The following PTPRT variants were observed in gnomAD, a reference collection of about 807,000 sequenced individuals.
PTPRT encodes the protein receptor-type tyrosine-protein phosphatase T.
Under a neutral mutation model 176.8 loss-of-function variants are expected in PTPRT, and 56 were observed. That is an observed-to-expected ratio of 0.32 (90% CI 0.26 to 0.40). The LOEUF is 0.40. PTPRT is among the 10% of genes least tolerant of loss of function. The pLI is 1.00. For missense variants in PTPRT, 1,540 were observed against 1,908.2 expected (o/e 0.81, Z 3.60); for synonymous variants, 783 against 739.0 (o/e 1.06, Z -0.96).
intron 6 of PTPRT, among the ~76,000 whole-genome samples, chr20:42,753,972 C>T (rs111750644): frequency 1.2e-3 from 176 of 152,228 alleles, no homozygotes; most frequent in African/African-American, 4.1e-3. Flanking sequence ...CAACTTTGCC[C>T]CATGTACATG....
chr20:42,380,733 G>A (rs1157459437), intron 9 of PTPRT, among the ~76,000 whole-genome samples: 1 of 152,216 alleles, frequency 6.6e-6, no homozygotes, highest in Admixed American at 6.5e-5. Flanking sequence ...CCCGACAGTA[G>A]GGTGTGTTTC....
chr20:42,099,408 C>T (rs1221845883), intron 26 of PTPRT, among the ~76,000 whole-genome samples: 2 of 152,108 alleles, frequency 1.3e-5, no homozygotes, highest in African/African-American at 4.8e-5. Flanking sequence ...GGCAGAAACA[C>T]CCCTGACTTT....
intron 2 of PTPRT, among the ~76,000 whole-genome samples, chr20:42,836,726 A>T (rs1047581831): frequency 6.6e-6 from 1 of 152,204 alleles, no homozygotes; most frequent in Non-Finnish European, 1.5e-5. Context: ...CAGATTTCTC[A>T]TCCATAAAAC....
chr20:42,787,508 C>T (rs1191243844), intron 3 of PTPRT, among the ~76,000 whole-genome samples: 1 of 152,200 alleles, frequency 6.6e-6, no homozygotes, highest in African/African-American at 2.4e-5. Flanking sequence ...ATACATCACA[C>T]AGCTTTTTCA....
chr20:42,544,658 G>A (rs1412744111), intron 7 of PTPRT, among the ~76,000 whole-genome samples: 1 of 152,148 alleles, frequency 6.6e-6, no homozygotes. Flanking sequence ...CCTCTCTCAG[G>A]AGAGAGCACA....
chr20:42,198,783 G>T (rs1991332382), intron 16 of PTPRT, among the ~76,000 whole-genome samples: 1 of 152,146 alleles, frequency 6.6e-6, no homozygotes, highest in Admixed American at 6.5e-5. Flanking sequence ...TAGATAAGTT[G>T]CTTCTCTGAG....
At chr20:42,153,160 A>G (rs2146466799) in intron 17 of PTPRT, among the ~76,000 whole-genome samples, 1 of 152,350 alleles carries the variant, frequency 6.6e-6, no homozygotes, top group South Asian at 2.1e-4. Context: ...ACATCATTAC[A>G]TGGTGTGGCA....
chr20:43,019,823 G>A (rs767992545), intron 1 of PTPRT, among the ~76,000 whole-genome samples: 24 of 151,776 alleles, frequency 1.6e-4, no homozygotes, highest in African/African-American at 9.7e-5. Flanking sequence ...AGCCAGGAGC[G>A]TTTCTTCTCC....
At chr20:42,557,284 G>T (rs907182635) in intron 7 of PTPRT, among the ~76,000 whole-genome samples, 5 of 152,028 alleles carry the variant, frequency 3.3e-5, no homozygotes, top group African/African-American at 1.2e-4. Flanking sequence ...CAGACAGTCT[G>T]CTCCGTGAAT....
intron 6 of PTPRT, among the ~76,000 whole-genome samples, chr20:42,737,957 G>C (rs939801230): frequency 6.6e-6 from 1 of 152,140 alleles, no homozygotes; most frequent in African/African-American, 2.4e-5. Context: ...TAGCCCGAGG[G>C]GTAGGGAGCT....
intron 1 of PTPRT, among the ~76,000 whole-genome samples, chr20:43,127,234 T>C (rs148756956): frequency 0.015 from 2,279 of 151,930 alleles, 31 homozygotes; most frequent in Non-Finnish European, 0.024. Context: ...CCATCCTGGC[T>C]AACATGGTGA....
intron 1 of PTPRT, among the ~76,000 whole-genome samples, chr20:42,904,963 C>A (rs548765936): frequency 1.1e-3 from 162 of 152,204 alleles, no homozygotes; most frequent in Admixed American, 2.8e-3. Context: ...CCATAAAAAC[C>A]CTAGAAGAAA....
chr20:42,416,072 T>C (rs2059063544), intron 9 of PTPRT, among the ~76,000 whole-genome samples: 1 of 152,168 alleles, frequency 6.6e-6, no homozygotes, highest in Non-Finnish European at 1.5e-5. Flanking sequence ...TATTTGGAAA[T>C]AGGCTCTTTG....
intron 18 of PTPRT, among the ~76,000 whole-genome samples, chr20:42,136,527 G>A (rs1988387918): frequency 6.6e-6 from 1 of 152,082 alleles, no homozygotes; most frequent in Non-Finnish European, 1.5e-5. Flanking sequence ...GATCCATGCT[G>A]GCTGAAATTG....
chr20:42,965,703 G>A (rs1163641144), intron 1 of PTPRT, among the ~76,000 whole-genome samples: 1 of 152,102 alleles, frequency 6.6e-6, no homozygotes, highest in East Asian at 1.9e-4. Context: ...TCAACAAATA[G>A]AGGCACACAA....
intron 6 of PTPRT, among the ~76,000 whole-genome samples, chr20:42,710,128 T>C (rs985458737): frequency 1.1e-4 from 16 of 152,200 alleles, no homozygotes; most frequent in African/African-American, 2.4e-4. Flanking sequence ...AAGTATAACA[T>C]TGGAAAATCT....
At chr20:42,124,384 G>A (rs762601317) in intron 19 of PTPRT, among the ~76,000 whole-genome samples, 2 of 152,200 alleles carry the variant, frequency 1.3e-5, no homozygotes, top group African/African-American at 2.4e-5. Context: ...GTTACTTACT[G>A]GGGACCCAGA....
chr20:42,155,117 C>T (rs1326744116), intron 17 of PTPRT, among the ~76,000 whole-genome samples: 2 of 152,142 alleles, frequency 1.3e-5, no homozygotes, highest in Non-Finnish European at 2.9e-5. Context: ...ATATATCCCA[C>T]CCCCAGTGAT....
chr20:42,807,819 G>A (rs2077634436), intron 2 of PTPRT, among the ~76,000 whole-genome samples: 1 of 152,124 alleles, frequency 6.6e-6, no homozygotes. Context: ...CACTGAGCAA[G>A]CTTTATGTAC....
Sources: gnomAD v4.1 joint callset for allele counts (sites outside exome capture counted in the v4.1 genomes callset) on GRCh38, gnomAD v4.1.1 for gene constraint, MANE v1.5 for transcripts, NCBI Gene and HGNC (gene_info 2026-07-23, HGNC 2026-07-21) for gene names.